The following SYCP2 variants were observed in gnomAD, a reference collection of about 807,000 sequenced individuals.
The protein encoded by SYCP2 is synaptonemal complex protein 2, also known as synaptonemal complex lateral element protein.
SYCP2 carries 55 observed loss-of-function variants against 211.3 expected under a neutral mutation model. That is an observed-to-expected ratio of 0.26 (90% CI 0.21 to 0.33). The LOEUF (loss-of-function observed/expected upper bound fraction) is 0.33, where lower values mean the gene tolerates loss of function less well. SYCP2 is among the 10% of genes least tolerant of loss of function. The pLI is 1.00. For synonymous variants in SYCP2, 570 were observed against 555.2 expected, an observed-to-expected ratio of 1.03 and a Z score of -0.37; for missense variants, 1,731 against 1,752.0, an observed-to-expected ratio of 0.99 and a Z score of 0.21.
chr20:59,864,292 T>C lies in SYCP2; in HGVS notation c.*19A>G. ...CAGAGAATAATAATTAGATAAAGTA[T>C]GGTGATAAAAACTAGATTTCACACA... On this transcript the variant is annotated 3_prime_UTR_variant, in exon 45 of 45. Coordinates refer to ENST00000357552, the MANE Select transcript of SYCP2 (RefSeq NM_014258.4). 2 of 1,505,700 alleles carry C rather than the reference T, an allele frequency of 1.3e-6. No homozygotes were observed. Among genetic ancestry groups the C allele is most frequent in the Non-Finnish European group, 1.8e-6 (2 of 1,092,090 alleles). 93.3% of individuals were successfully genotyped at this position (1,505,700 alleles called of 1,614,324 possible).
intron 15 of SYCP2, among the ~76,000 whole-genome samples, chr20:59,905,223 T>C (rs1474595609): frequency 6.6e-6 from 1 of 152,166 alleles, no homozygotes; most frequent in Admixed American, 6.5e-5. Context: ...AAGCTAATCA[T>C]ATGCCTATGG....
At chr20:59,882,646 GGAGGCCAAA>G (rs1182323898) in intron 26 of SYCP2, among the ~76,000 whole-genome samples, 8 of 152,052 alleles carry the variant, frequency 5.3e-5, no homozygotes, top group Non-Finnish European at 1.0e-4. Flanking sequence ...GGATGTAACT[GGAGGCCAAA>G]GTAAAGTGAA....
At chr20:59,904,988 A>G (rs1342477370) in intron 15 of SYCP2, among the ~76,000 whole-genome samples, 1 of 152,162 alleles carries the variant, frequency 6.6e-6, no homozygotes, top group Non-Finnish European at 1.5e-5. Flanking sequence ...AATCCCCTTC[A>G]CCCTCAACAC....
chr20:59,889,577 AACAC>A (rs1474550614), intron 24 of SYCP2, among the ~76,000 whole-genome samples: 26 of 152,002 alleles, frequency 1.7e-4, no homozygotes, highest in Non-Finnish European at 3.7e-4. Flanking sequence ...AAATCTAGTA[AACAC>A]AAAATTTACT....
rs544327868 is a variant in SYCP2 at position 59,876,308 on chromosome 20, T to C, written c.3151-839A>G. Among the ~76,000 whole-genome samples, 354 of 128,032 alleles carry C rather than the reference T, an allele frequency of 2.8e-3. 1 individual carries two copies. The highest frequency in any genetic ancestry group is 1.0e-2 in the African/African-American group (340 of 34,028). 84.0% of individuals were successfully genotyped at this position (128,032 alleles called of 152,430 possible). On this transcript the variant is annotated intron_variant, in intron 33 of 44. Coordinates refer to ENST00000357552, the MANE Select transcript of SYCP2 (RefSeq NM_014258.4). ...ATCGTTTGAACACTGGAGGCGGAGG[T>C]TGCAGTGAACCAAGATGACACCACT...
At chr20:59,911,401 A>G (rs1427421161) in intron 14 of SYCP2, among the ~76,000 whole-genome samples, 1 of 152,226 alleles carries the variant, frequency 6.6e-6, no homozygotes, top group Non-Finnish European at 1.5e-5. Flanking sequence ...AATATTTTCA[A>G]TAGAATGCCA....
intron 15 of SYCP2, among the ~76,000 whole-genome samples, chr20:59,905,408 C>T (rs2060195397): frequency 6.6e-6 from 1 of 152,092 alleles, no homozygotes; most frequent in African/African-American, 2.4e-5. Flanking sequence ...TATATCTATA[C>T]AATGGACTAA....
intron 1 of SYCP2, among the ~76,000 whole-genome samples, chr20:59,932,841 GGA>G (rs2060789057): frequency 6.6e-6 from 1 of 152,136 alleles, no homozygotes; most frequent in South Asian, 2.1e-4. Flanking sequence ...TCAACCGCAA[GGA>G]GAGGCCGCAG....
chr20:59,897,790 A>T (rs949061560), intron 18 of SYCP2, among the ~76,000 whole-genome samples: 1 of 152,124 alleles, frequency 6.6e-6, no homozygotes, highest in Non-Finnish European at 1.5e-5. Context: ...TCCACGAAGA[A>T]ATCAAAAAAT....
In SYCP2 at chr20:59,866,365, G is replaced by C. The variant is rs759695171; in HGVS notation, c.4248C>G (p.Phe1416Leu). The C allele has an allele frequency of 3.1e-6, 5 of 1,592,286 alleles. No homozygotes were observed. The highest frequency in any genetic ancestry group is 1.1e-5 in the South Asian group (1 of 86,966). ...AATTCTCCAGCTCCTCTATGATAAT[G>C]AATTGGAATTTATCAAGTTTTTTAA... The part of the protein sequence containing the change: ...SRIKKLDKFQ[F>L]IIIEELENFE... Residue 1416 changes from phenylalanine (F) to leucine (L), a missense_variant, in exon 41 of 45, where the codon TTC (phenylalanine) becomes TTG (leucine). Coordinates refer to ENST00000357552, the MANE Select transcript of SYCP2 (RefSeq NM_014258.4).
rs1355016746 is a variant in SYCP2 at position 59,907,477 on chromosome 20, T to G, written c.973-53A>C. ...TAAATAATTTATTTCTGATTTACAG[T>G]TTCTTTAAACATCAAATTTCAAGTT... On this transcript the variant is annotated intron_variant, in intron 14 of 44. Coordinates refer to ENST00000357552, the MANE Select transcript of SYCP2 (RefSeq NM_014258.4). 8.9e-6 allele frequency: 13 copies of G among 1,456,790 alleles called. No individual in the cohort carries two copies. In the East Asian group the frequency reaches 3.0e-4, roughly 33 times the overall value. 90.2% of individuals were successfully genotyped at this position (1,456,790 alleles called of 1,614,324 possible).
intron 25 of SYCP2, among the ~76,000 whole-genome samples, chr20:59,886,268 AC>A (rs1167945336): frequency 3.9e-5 from 6 of 152,028 alleles, no homozygotes; most frequent in African/African-American, 1.4e-4. Flanking sequence ...TGAATTAACC[AC>A]CTAATAGACT....
chr20:59,877,233 T>C, intron 33 of SYCP2, 152 bp downstream of exon 33: 1 of 614,628 alleles, frequency 1.6e-6, no homozygotes, highest in Non-Finnish European at 2.4e-6. Flanking sequence ...TTATATTGCC[T>C]AAGGGCAAAT....
chr20:59,880,431 G>A lies in SYCP2; in HGVS notation c.2813C>T (p.Thr938Ile). 1.3e-6 allele frequency: 2 copies of A among 1,593,700 alleles called. No individual in the cohort carries two copies. The highest frequency in any genetic ancestry group is 1.7e-6 in the Non-Finnish European group (2 of 1,167,802). ...NHQKKNLFSD[T>I]ETEYRCDDSK... ...GTCATCACATCTGTACTCTGTTTCAGTATCACTAAACAGATTTTTCTTTTG... is the reference window on the plus strand; with the variant it reads ...GTCATCACATCTGTACTCTGTTTCAATATCACTAAACAGATTTTTCTTTTG... Residue 938 changes from threonine (T) to isoleucine (I), a missense_variant, in exon 31 of 45, where the codon ACT becomes ATT. By Grantham distance (89) the Thr-to-Ile change is moderately conservative. Transcript: ENST00000357552.
At chr20:59,883,936 C>A (rs894486226) in intron 26 of SYCP2, among the ~76,000 whole-genome samples, 13 of 151,946 alleles carry the variant, frequency 8.6e-5, no homozygotes, top group Non-Finnish European at 1.6e-4. Flanking sequence ...AAGCTGAATA[C>A]ATTAATTTGA....
intron 20 of SYCP2, 24 bp downstream of exon 20, chr20:59,895,413 A>T (rs768858901): frequency 1.9e-6 from 3 of 1,563,488 alleles, no homozygotes; most frequent in Admixed American, 2.0e-5. Flanking sequence ...AAATATTTTT[A>T]AAATACTTTC....
intron 24 of SYCP2, among the ~76,000 whole-genome samples, chr20:59,889,591 T>A (rs1316631389): frequency 1.7e-4 from 26 of 152,064 alleles, no homozygotes; most frequent in Non-Finnish European, 3.7e-4. Flanking sequence ...CAAAATTTAC[T>A]ATTTTAACCA....
rs1314269311 is a variant in SYCP2, at chr20:59,915,178, A to T, written c.621T>A (p.Ile207=). 1 of 1,581,104 alleles carries T rather than the reference A, an allele frequency of 6.3e-7. No homozygotes were observed. Among genetic ancestry groups the T allele is most frequent in the African/African-American group, 1.3e-5 (1 of 74,180 alleles). ...AGACATACTTACCTCCAGCATCTAA[A>T]ATCCTTTCTCCCATACTACTCCTGT... ...LILMSSMGER[I]LDAGDYDLQV... Residue 207 remains isoleucine (I), a synonymous_variant, in exon 10 of 45, where the codon ATT becomes ATA. Transcript: ENST00000357552.
At chr20:59,915,119 A>G (rs375208936) in intron 10 of SYCP2, 46 bp downstream of exon 10, 1 of 1,201,450 alleles carries the variant, frequency 8.3e-7, no homozygotes. Flanking sequence ...ACTATCTGCT[A>G]TTCATAAATA....
Sources: allele counts gnomAD v4.1 joint callset (sites outside exome capture counted in the v4.1 genomes callset), GRCh38; gene constraint gnomAD v4.1.1; transcripts MANE v1.5; gene names NCBI Gene and HGNC (gene_info 2026-07-23, HGNC 2026-07-21).